TOB2: variants seen among roughly 807,000 people sequenced by gnomAD.
TOB2 encodes the protein protein Tob2.
TOB2 carries 3 observed loss-of-function variants against 17.3 expected under a neutral mutation model. That is an observed-to-expected ratio of 0.17 (90% CI 0.08 to 0.45). The LOEUF (loss-of-function observed/expected upper bound fraction) is 0.45, where lower values mean the gene tolerates loss of function less well. Among genes scored for constraint, TOB2 ranks in the 20% least tolerant of loss-of-function variants. TOB2 has a pLI of 0.99. For missense variants in TOB2, 407 were observed against 445.7 expected (o/e 0.91, Z 0.78); for synonymous variants, 163 against 185.6 (o/e 0.88, Z 0.99).
intron 1 of TOB2, among the ~76,000 whole-genome samples, chr22:41,444,428 G>A (rs1185209751): frequency 1.3e-5 from 2 of 152,234 alleles, no homozygotes; most frequent in African/African-American, 4.8e-5. Context: ...CAACCCAAAC[G>A]TAGGCGGAGA....
intron 1 of TOB2, among the ~76,000 whole-genome samples, chr22:41,441,730 G>A (rs1026042297): frequency 6.6e-6 from 1 of 151,960 alleles, no homozygotes; most frequent in African/African-American, 2.4e-5. Context: ...TGACCAACAT[G>A]GTGAAACCCC....
intron 1 of TOB2, among the ~76,000 whole-genome samples, chr22:41,442,770 T>TA: frequency 6.6e-6 from 1 of 152,332 alleles, no homozygotes; most frequent in East Asian, 1.9e-4. Context: ...AGTTTGTTCA[T>TA]TTTTTAAAAA....
chr22:41,442,703 A>G (rs762194994), intron 1 of TOB2, among the ~76,000 whole-genome samples: 8 of 152,220 alleles, frequency 5.3e-5, no homozygotes, highest in Non-Finnish European at 1.0e-4. Context: ...GGAGCAGAGG[A>G]TTAAAGCACT....
intron 1 of TOB2, among the ~76,000 whole-genome samples, chr22:41,444,774 C>T (rs527686003): frequency 8.5e-5 from 13 of 152,330 alleles, no homozygotes; most frequent in Middle Eastern, 3.4e-3. Flanking sequence ...CCTAACTTTC[C>T]CACCTTTCCC....
intron 1 of TOB2, among the ~76,000 whole-genome samples, chr22:41,439,900 G>A (rs183713295): frequency 2.4e-4 from 37 of 152,234 alleles, no homozygotes; most frequent in Non-Finnish European, 2.8e-4. Context: ...TCAATCTGGA[G>A]CAGCATGACA....
At chr22:41,442,645 T>C (rs1429362013) in intron 1 of TOB2, among the ~76,000 whole-genome samples, 1 of 152,192 alleles carries the variant, frequency 6.6e-6, no homozygotes, top group Non-Finnish European at 1.5e-5. Context: ...AGAATGAGAT[T>C]TTCTGCTCTA....
Position 41,437,176 on chromosome 22 carries a change from C to A in TOB2, c.170G>T (p.Cys57Phe). 6.2e-7 allele frequency: 1 copy of A among 1,614,194 alleles called. No individual in the cohort carries two copies. Among genetic ancestry groups the A allele is most frequent in the Non-Finnish European group, 8.5e-7 (1 of 1,180,038 alleles). The change falls in exon 2 of 2, where the codon TGT becomes TTT. Residue 57 changes from cysteine (C) to phenylalanine (F), a missense_variant. By Grantham distance (205) the Cys-to-Phe change is radical (BLOSUM62 -2). Transcript: ENST00000327492. ...GTCCACCATCTCCCCAATGTGAACACAGCGGAAGCCAGAGCCTTTCAGTGG... is the reference window on the plus strand; with the variant it reads ...GTCCACCATCTCCCCAATGTGAACAAAGCGGAAGCCAGAGCCTTTCAGTGG... ...EKPLKGSGFR[C>F]VHIGEMVDPV...
chr22:41,436,904 T>G lies in TOB2; in HGVS notation c.442A>C (p.Ser148Arg). 1 of 1,614,206 alleles carries G rather than the reference T, an allele frequency of 6.2e-7. No homozygotes were observed. Among genetic ancestry groups the G allele is most frequent in the Non-Finnish European group, 8.5e-7 (1 of 1,180,042 alleles). Residue 148 changes from serine (S) to arginine (R), a missense_variant, in exon 2 of 2, where the codon AGC becomes CGC. By Grantham distance (110) the Ser-to-Arg change is moderately radical. Transcript: ENST00000327492. The surrounding 1 kb of genome is among the most constrained non-coding windows in gnomAD (Gnocchi z 4.8). ...GGCGATGGGGAGTTGGACAGGGAGC[T>G]GTCCTGGCTGCCAATGGGCACGAAC... The part of the protein sequence containing the change: ...QVFVPIGSQD[S>R]SLSNSPSPSF...
chr22:41,436,315 T>C lies in TOB2; in HGVS notation c.1031A>G (p.Asn344Ser), dbSNP rs200620356. 1.5e-4 allele frequency: 237 copies of C among 1,559,940 alleles called. No homozygotes were observed. Among genetic ancestry groups the C allele is most frequent in the Non-Finnish European group, 1.9e-4 (221 of 1,151,276 alleles). The change falls in exon 2 of 2, where the codon AAC (asparagine) becomes AGC (serine). Residue 344 changes from asparagine (N) to serine (S), a missense_variant. Coordinates refer to ENST00000327492, the MANE Select transcript of TOB2 (RefSeq NM_016272.4). The surrounding 1 kb of genome is among the most constrained non-coding windows in gnomAD (Gnocchi z 4.8). ...SQQFQPVVLA[N>S] is the part of the protein sequence containing the mutation. The stretch of plus-strand genomic sequence containing the variant: ...GCCCCACGGGCAGGTAGATGGTCAG[T>C]TGGCCAGCACCACGGGCTGGAACTG...
chr22:41,438,786 G>C (rs1308222886), intron 1 of TOB2, among the ~76,000 whole-genome samples: 1 of 151,898 alleles, frequency 6.6e-6, no homozygotes, highest in Admixed American at 6.6e-5. Context: ...GAAAAGGAGG[G>C]GGAATCTCTG....
chr22:41,436,935 G>A lies in TOB2; in HGVS notation c.411C>T (p.Ala137=), dbSNP rs1277788974. ...GGCTGCCAATGGGCACGAACACCTG[G>A]GCGTCAGGGTTGAAGCTGCTCTTGA... The part of the protein sequence containing the change: ...KEIKSSFNPD[A]QVFVPIGSQD... The change falls in exon 2 of 2, where the codon GCC becomes GCT. Residue 137 remains alanine (A), a synonymous_variant. Transcript: ENST00000327492. This position sits in a 1 kb window ranked among gnomAD's most constrained non-coding sequence, Gnocchi z 4.8. 6.2e-7 allele frequency: 1 copy of A among 1,614,062 alleles called. No individual in the cohort carries two copies. The highest frequency in any genetic ancestry group is 8.5e-7 in the Non-Finnish European group (1 of 1,180,050).
chr22:41,438,630 C>CAAAAAAAGAAAAAAA (rs2037580311), intron 1 of TOB2, among the ~76,000 whole-genome samples: 1 of 12,680 alleles, frequency 7.9e-5, no homozygotes, highest in African/African-American at 1.8e-4. Context: ...AACTCTGTCT[C>CAAAAAAAGAAAAAAA]AAAAAAAAAA....
At chr22:41,438,658 A>AAAAAAAAAAAAAAAG in intron 1 of TOB2, among the ~76,000 whole-genome samples, 2 of 147,070 alleles carry the variant, frequency 1.4e-5, no homozygotes, top group Non-Finnish European at 3.0e-5. Flanking sequence ...AAAAAAAAAA[A>AAAAAAAAAAAAAAAG]AAAGGAATAA....
rs768451131 is a variant in TOB2, at chr22:41,436,579, T to C, written c.767A>G (p.Asn256Ser). ...ACCGTTGTACACGAACTCCTTGGCATTGGGTGAGAGCTGGGACTGAGGGGC... is the reference window on the plus strand; with the variant it reads ...ACCGTTGTACACGAACTCCTTGGCACTGGGTGAGAGCTGGGACTGAGGGGC... ...NPAPQSQLSP[N>S]AKEFVYNGGG... is the part of the protein sequence containing the mutation. Residue 256 changes from asparagine (N) to serine (S), a missense_variant, in exon 2 of 2, where the codon AAT becomes AGT. By Grantham distance (46) the Asn-to-Ser change is conservative. Transcript: ENST00000327492. The surrounding 1 kb of genome is among the most constrained non-coding windows in gnomAD (Gnocchi z 4.8). 5.6e-6 allele frequency: 9 copies of C among 1,610,620 alleles called. No homozygotes were observed. The highest frequency in any genetic ancestry group is 1.6e-4 in the Middle Eastern group (1 of 6,084).
At chr22:41,444,987 G>A (rs143206204) in intron 1 of TOB2, among the ~76,000 whole-genome samples, 1 of 152,250 alleles carries the variant, frequency 6.6e-6, no homozygotes, top group East Asian at 1.9e-4. Context: ...AATGCCTAGC[G>A]GACTCGGCTC....
Position 41,442,094 on chromosome 22 carries a change from C to CAA in TOB2, c.-63+4283_-63+4284dup, listed in dbSNP as rs34651461. 2.2e-3 allele frequency among the ~76,000 whole-genome samples: 230 copies of CAA among 105,776 alleles called. 1 individual carries two copies. Among genetic ancestry groups the CAA allele is most frequent in the African/African-American group, 2.8e-3 (68 of 24,586 alleles). 69.4% of individuals were successfully genotyped at this position (105,776 alleles called of 152,430 possible). A position where few individuals can be genotyped will look rare whatever the true frequency, so the allele number is the denominator to read the frequency against. On this transcript the variant is annotated intron_variant, in intron 1 of 1. Transcript: ENST00000327492. ...TGACAAAGTGAGAGAAATTCTGCCT[C>CAA]AAAAAAAAAAAAAAAAGAAAAAAAA...
In TOB2 at chr22:41,436,091, A is replaced by C. The variant is rs779853764; in HGVS notation, c.*220T>G. 4.3e-6 allele frequency: 2 copies of C among 465,708 alleles called. No homozygotes were observed. Among genetic ancestry groups the C allele is most frequent in the Non-Finnish European group, 7.2e-6 (2 of 276,108 alleles). The allele number at this position is 465,708 out of a possible 1,614,324, so 28.8% of individuals were successfully genotyped here. Reference sequence around the variant, plus strand: ...AATATAAAACCCAAACCAACCAAATAAATCACAGGCCGGTGGGCGAGCGGT... The same window carrying C: ...AATATAAAACCCAAACCAACCAAATCAATCACAGGCCGGTGGGCGAGCGGT... On this transcript the variant is annotated 3_prime_UTR_variant, in exon 2 of 2. Coordinates refer to ENST00000327492, the MANE Select transcript of TOB2 (RefSeq NM_016272.4). The surrounding 1 kb of genome is among the most constrained non-coding windows in gnomAD (Gnocchi z 4.8).
At chr22:41,441,967 C>G (rs1199089600) in intron 1 of TOB2, among the ~76,000 whole-genome samples, 1 of 150,914 alleles carries the variant, frequency 6.6e-6, no homozygotes, top group African/African-American at 2.4e-5. Context: ...TTGCGGGTGC[C>G]TATAATCCCA....
chr22:41,435,905 C>T lies in TOB2; in HGVS notation c.*406G>A, dbSNP rs1266912826. 6.4e-6 allele frequency: 1 copy of T among 155,360 alleles called. No individual in the cohort carries two copies. Among genetic ancestry groups the T allele is most frequent in the African/African-American group, 2.4e-5 (1 of 41,644 alleles). The allele number at this position is 155,360 out of a possible 1,614,324, so 9.6% of individuals were successfully genotyped here. A position where few individuals can be genotyped will look rare whatever the true frequency, so the allele number is the denominator to read the frequency against. On this transcript the variant is annotated 3_prime_UTR_variant, in exon 2 of 2. Coordinates refer to ENST00000327492, the MANE Select transcript of TOB2 (RefSeq NM_016272.4). Reference sequence around the variant, plus strand: ...CAGGCTCCAGCTGCAGCTCTTTCTTCCCTATGAGCTTGGACACATCAATCC... The same window carrying T: ...CAGGCTCCAGCTGCAGCTCTTTCTTTCCTATGAGCTTGGACACATCAATCC...
Sources: gnomAD v4.1 joint callset for allele counts (sites outside exome capture counted in the v4.1 genomes callset) on GRCh38, gnomAD v4.1.1 for gene constraint, Gnocchi (gnomAD v3.1) non-coding constraint, MANE v1.5 for transcripts, NCBI Gene and HGNC (gene_info 2026-07-23, HGNC 2026-07-21) for gene names.